Variants in ANKRD11 observed in about 807,000 individuals in gnomAD.
ANKRD11 encodes ankyrin repeat domain-containing protein 11.
A neutral mutation model predicts 195.7 loss-of-function variants in ANKRD11; 17 were observed. The observed-to-expected ratio is 0.09, with a 90% CI of 0.06 to 0.13. ANKRD11 has a LOEUF of 0.13. Ranked by LOEUF, ANKRD11 falls within the 10% of genes least tolerant of loss-of-function variation. The pLI is 1.00. For synonymous variants in ANKRD11, 1,953 were observed against 1,528.1 expected (o/e 1.28, Z -6.49); for missense variants, 3,735 against 3,566.1 (o/e 1.05, Z -1.21).
At chr16:89,408,278 C>T (rs910019635) in intron 2 of ANKRD11, among the ~76,000 whole-genome samples, 10 of 152,236 alleles carry the variant, frequency 6.6e-5, no homozygotes, top group Non-Finnish European at 8.8e-5. Flanking sequence ...AAGTGGCAGC[C>T]CTTCCACATT....
chr16:89,381,112 C>T (rs2040625789), intron 2 of ANKRD11, among the ~76,000 whole-genome samples: 1 of 152,126 alleles, frequency 6.6e-6, no homozygotes, highest in African/African-American at 2.4e-5. Context: ...CATTTGAGAT[C>T]AGGAGTTTGA....
intron 1 of ANKRD11, among the ~76,000 whole-genome samples, chr16:89,486,744 G>A (rs1012617023): frequency 2.0e-5 from 3 of 152,110 alleles, no homozygotes; most frequent in Non-Finnish European, 4.4e-5. Flanking sequence ...GGTGGCTCAC[G>A]TCTATAATCC....
rs2034600445 is a variant in ANKRD11, at chr16:89,285,713, A to C, written c.893-64T>G. ...AAAACAGCTCTCCCCAGAATGGCAG[A>C]GGAGGGAGGCTCTGCAGATGTGTCT... On this transcript the variant is annotated intron_variant, in intron 8 of 12. Transcript: ENST00000301030. The surrounding 1 kb of genome is among the most constrained non-coding windows in gnomAD (Gnocchi z 5.6). 20 of 1,555,916 alleles carry C rather than the reference A, an allele frequency of 1.3e-5. No homozygotes were observed. In the East Asian group the frequency reaches 4.5e-4, roughly 35 times the overall value.
chr16:89,332,181 G>T (rs1231518598), intron 2 of ANKRD11, among the ~76,000 whole-genome samples: 1 of 152,118 alleles, frequency 6.6e-6, no homozygotes, highest in Non-Finnish European at 1.5e-5. Context: ...TGCAGAATGT[G>T]TCACAGAAAT....
chr16:89,486,742 A>AGTG (rs2057627563), intron 1 of ANKRD11, among the ~76,000 whole-genome samples: 3 of 152,166 alleles, frequency 2.0e-5, no homozygotes, highest in African/African-American at 7.2e-5. Context: ...ATGGTGGCTC[A>AGTG]CGTCTATAAT....
At chr16:89,447,862 T>C (rs2043872880) in intron 1 of ANKRD11, among the ~76,000 whole-genome samples, 1 of 150,728 alleles carries the variant, frequency 6.6e-6, no homozygotes, top group Non-Finnish European at 1.5e-5. Context: ...TGGAGTGCAC[T>C]GGCACAATCT....
chr16:89,358,603 A>T (rs907824244), intron 2 of ANKRD11, among the ~76,000 whole-genome samples: 3 of 152,226 alleles, frequency 2.0e-5, no homozygotes, highest in African/African-American at 7.2e-5. Flanking sequence ...CAAAAACTTT[A>T]AAAATAATAA....
At position 89,301,729 on chromosome 16, in the gene ANKRD11, G is replaced by A. The variant is rs546113206; in HGVS notation, c.226+3477C>T. 3.0e-4 allele frequency: 120 copies of A among 398,362 alleles called. 1 individual carries two copies. In the South Asian group the frequency reaches 0.012, roughly 39 times the overall value. 24.7% of individuals were successfully genotyped at this position (398,362 alleles called of 1,614,324 possible). On this transcript the variant is annotated intron_variant, in intron 4 of 12. Transcript: ENST00000301030. Reference sequence around the variant, plus strand: ...AGGGACCACGCGGATGCACAGCCTCGGGGACTGCTTTAAACTGGGCTGATT... The same window carrying A: ...AGGGACCACGCGGATGCACAGCCTCAGGGACTGCTTTAAACTGGGCTGATT...
At chr16:89,358,034 C>A (rs2039565054) in intron 2 of ANKRD11, among the ~76,000 whole-genome samples, 1 of 152,230 alleles carries the variant, frequency 6.6e-6, no homozygotes, top group Admixed American at 6.5e-5. Context: ...AAAGACTGAA[C>A]CCTCTTACTG....
intron 1 of ANKRD11, among the ~76,000 whole-genome samples, chr16:89,443,079 GC>G (rs1285467665): frequency 1.3e-5 from 2 of 152,140 alleles, no homozygotes; most frequent in Non-Finnish European, 2.9e-5. Context: ...TGCGACCTCT[GC>G]CTCCCAGGCC....
At chr16:89,483,480 T>C (rs961027061) in intron 1 of ANKRD11, among the ~76,000 whole-genome samples, 1 of 152,232 alleles carries the variant, frequency 6.6e-6, no homozygotes, top group African/African-American at 2.4e-5. Flanking sequence ...CACTAAAAGA[T>C]AAAGGATACA....
intron 2 of ANKRD11, among the ~76,000 whole-genome samples, chr16:89,385,709 C>G (rs1422916476): frequency 6.6e-6 from 1 of 152,256 alleles, no homozygotes; most frequent in African/African-American, 2.4e-5. Flanking sequence ...CACGTACAGT[C>G]TGCAAAGAAA....
chr16:89,345,620 G>C (rs1422575371), intron 2 of ANKRD11, among the ~76,000 whole-genome samples: 1 of 152,186 alleles, frequency 6.6e-6, no homozygotes, highest in African/African-American at 2.4e-5. Flanking sequence ...CAGGCTAAGG[G>C]AAAAAAGTAA....
intron 3 of ANKRD11, chr16:89,313,528 T>C (rs3102350): frequency 0.95 from 1,229,037 of 1,289,170 alleles, 586,300 homozygotes; most frequent in African/African-American, 0.99. Flanking sequence ...ACTGCAGAGT[T>C]GTGGGCTCCA....
chr16:89,489,960 GC>G (rs1207292999), intron 1 of ANKRD11, among the ~76,000 whole-genome samples: 2 of 142,578 alleles, frequency 1.4e-5, no homozygotes, highest in African/African-American at 2.6e-5. Context: ...GACCTCCCAG[GC>G]CCCCCCCGGA....
At chr16:89,274,399 G>A (rs1197116378) in intron 11 of ANKRD11, among the ~76,000 whole-genome samples, 7 of 152,218 alleles carry the variant, frequency 4.6e-5, no homozygotes. Flanking sequence ...ACAGCCCCTG[G>A]GGCCTGTGCT....
At chr16:89,430,814 G>T (rs1037893820) in intron 1 of ANKRD11, among the ~76,000 whole-genome samples, 4 of 152,156 alleles carry the variant, frequency 2.6e-5, no homozygotes, top group African/African-American at 9.7e-5. Context: ...TAAGACAAAA[G>T]GGAGTTTGCT....
In ANKRD11 at chr16:89,280,568, T is replaced by G. The variant is rs763207005; in HGVS notation, c.5974A>C (p.Lys1992Gln). 1 of 1,613,066 alleles carries G rather than the reference T, an allele frequency of 6.2e-7. No individual in the cohort carries two copies. The highest frequency in any genetic ancestry group is 8.5e-7 in the Non-Finnish European group (1 of 1,179,880). Residue 1992 changes from lysine (K) to glutamine (Q), a missense_variant, in exon 9 of 13, where the codon AAG becomes CAG. Physicochemically the swap from Lys to Gln is moderately conservative, Grantham distance 53. Transcript: ENST00000301030. ...KSPQRFPESP[K>Q]RFCPADPLHS... ...AGGGGGTCCGCGGGGCAGAAACGCT[T>G]TGGGGACTCGGGGAATCTCTGTGGA...
At chr16:89,452,958 A>T (rs1427199286) in intron 1 of ANKRD11, among the ~76,000 whole-genome samples, 1 of 151,874 alleles carries the variant, frequency 6.6e-6, no homozygotes, top group African/African-American at 2.4e-5. Context: ...CTTTTATTTT[A>T]TTTTCTAAAT....
Sources: allele counts gnomAD v4.1 joint callset (sites outside exome capture counted in the v4.1 genomes callset), GRCh38; gene constraint gnomAD v4.1.1; non-coding constraint Gnocchi (gnomAD v3.1); transcripts MANE v1.5; gene names NCBI Gene and HGNC (gene_info 2026-07-23, HGNC 2026-07-21).